The following RAF1 variants were observed in gnomAD, a reference collection of about 807,000 sequenced individuals.
The protein encoded by RAF1 is Raf-1 proto-oncogene, serine/threonine kinase.
In RAF1, 27 loss-of-function variants were observed where a neutral mutation model predicts 81.1. The observed-to-expected ratio is 0.33, with a 90% CI of 0.25 to 0.46. The LOEUF (loss-of-function observed/expected upper bound fraction) is 0.46, where lower values mean the gene tolerates loss of function less well. Ranked by LOEUF, RAF1 falls within the 20% of genes least tolerant of loss-of-function variation. The probability of loss-of-function intolerance (pLI) is 1.00; values close to 1 mark genes in which losing one functional copy is unlikely to be tolerated. For missense variants in RAF1, 598 were observed against 826.0 expected, an observed-to-expected ratio of 0.72 and a Z score of 3.38; for synonymous variants, 298 against 294.0, an observed-to-expected ratio of 1.01 and a Z score of -0.14.
chr3:12,593,785 CCT>C (rs1491325924), intron 11 of RAF1, among the ~76,000 whole-genome samples: 66 of 119,548 alleles, frequency 5.5e-4, no homozygotes, highest in Admixed American at 1.1e-3. Flanking sequence ...GGGAGTAAAT[CCT>C]TTTTTTTTTT....
At chr3:12,652,384 G>A (rs2060560236) in intron 1 of RAF1, among the ~76,000 whole-genome samples, 1 of 151,458 alleles carries the variant, frequency 6.6e-6, no homozygotes, top group African/African-American at 2.4e-5. Flanking sequence ...AACTGGGCAT[G>A]GTGGCCGGTG....
intron 6 of RAF1, among the ~76,000 whole-genome samples, chr3:12,604,516 C>T (rs2058966494): frequency 1.3e-5 from 2 of 152,126 alleles, no homozygotes. Flanking sequence ...ATTGGGAATT[C>T]AATGAAAAGG....
At chr3:12,600,020 A>G in intron 10 of RAF1, 132 bp downstream of exon 9, 1 of 1,430,208 alleles carries the variant, frequency 7.0e-7, no homozygotes, top group Non-Finnish European at 9.8e-7. Context: ...AATGACAGTA[A>G]CATTTATAAT....
intron 1 of RAF1, among the ~76,000 whole-genome samples, chr3:12,653,529 G>C (rs1447803602): frequency 6.6e-6 from 1 of 152,058 alleles, no homozygotes; most frequent in East Asian, 1.9e-4. Flanking sequence ...TGGATTACTT[G>C]AGGTCAGGAG....
chr3:12,597,622 A>C (rs1244917178), intron 11 of RAF1, among the ~76,000 whole-genome samples: 1 of 152,128 alleles, frequency 6.6e-6, no homozygotes, highest in African/African-American at 2.4e-5. Flanking sequence ...CATCTAAAAT[A>C]TTCTGCAACT....
chr3:12,643,716 ACAAGAG>A (rs1034238819), intron 1 of RAF1, among the ~76,000 whole-genome samples: 3 of 151,708 alleles, frequency 2.0e-5, no homozygotes, highest in African/African-American at 7.3e-5. Flanking sequence ...AGCCTGGGCA[ACAAGAG>A]CAAAACTCTG....
At chr3:12,592,896 T>C (rs1267984727) in intron 11 of RAF1, among the ~76,000 whole-genome samples, 2 of 147,028 alleles carry the variant, frequency 1.4e-5, no homozygotes, top group Non-Finnish European at 3.0e-5. Flanking sequence ...CCACCACGTC[T>C]GGCTAATTTT....
At chr3:12,591,924 A>C (rs970754330) in intron 11 of RAF1, 132 bp from the exon 11 acceptor site, 2 of 746,020 alleles carry the variant, frequency 2.7e-6, no homozygotes, top group Admixed American at 2.2e-5. Flanking sequence ...GCAAATTTCC[A>C]ATTTTTTTTT....
chr3:12,658,860 C>T (rs2060783070), intron 1 of RAF1, among the ~76,000 whole-genome samples: 1 of 152,080 alleles, frequency 6.6e-6, no homozygotes, highest in African/African-American at 2.4e-5. Flanking sequence ...GAGTAATTTG[C>T]CAAACTTTAG....
intron 8 of RAF1, among the ~76,000 whole-genome samples, chr3:12,602,776 A>G (rs1263247530): frequency 6.6e-6 from 1 of 152,240 alleles, no homozygotes; most frequent in Non-Finnish European, 1.5e-5. Context: ...TCCTCACAAT[A>G]GTGGCAGGAC....
intron 1 of RAF1, among the ~76,000 whole-genome samples, chr3:12,643,093 G>A (rs946862419): frequency 2.6e-5 from 4 of 152,030 alleles, no homozygotes; most frequent in African/African-American, 9.7e-5. Context: ...CTAAACACTG[G>A]TAAGGCAAGA....
chr3:12,642,339 C>T (rs919004958), intron 1 of RAF1, among the ~76,000 whole-genome samples: 1 of 147,384 alleles, frequency 6.8e-6, no homozygotes, highest in Non-Finnish European at 1.5e-5. Flanking sequence ...AACAAACAAA[C>T]AAACCAAAAA....
chr3:12,631,112 C>A lies in RAF1; in HGVS notation c.-26-12365G>T, dbSNP rs5746179. Among the ~76,000 whole-genome samples, 518 of 152,104 alleles carry A rather than the reference C, an allele frequency of 3.4e-3. 5 individuals carry two copies. Among genetic ancestry groups the A allele is most frequent in the Non-Finnish European group, 2.7e-3 (187 of 68,006 alleles). On this transcript the variant is annotated intron_variant, in intron 1 of 17. Transcript: ENST00000442415. ...AGGTGGGCGGATGAGCCCAAGAGTTCGAGACCAGTCTGAGCAACATGGCAA... is the reference window on the plus strand; with the variant it reads ...AGGTGGGCGGATGAGCCCAAGAGTTAGAGACCAGTCTGAGCAACATGGCAA...
chr3:12,652,011 AAAATAAATAAAT>A lies in RAF1; in HGVS notation c.-27+11790_-27+11801del, dbSNP rs58806427. Among the ~76,000 whole-genome samples, 168 of 136,700 alleles carry A rather than the reference AAAATAAATAAAT, an allele frequency of 1.2e-3. 2 individuals are homozygous for A. The highest frequency in any genetic ancestry group is 1.9e-3 in the African/African-American group (69 of 36,268). 89.7% of individuals were successfully genotyped at this position (136,700 alleles called of 152,430 possible). ...GCAACAAGAGCGAAACTCCATCTCTAAAATAAATAAATAAATAAATAAATAAATAAATAAATA... is the reference window on the plus strand; with the variant it reads ...GCAACAAGAGCGAAACTCCATCTCTAAAATAAATAAATAAATAAATAAATA... On this transcript the variant is annotated intron_variant, in intron 1 of 17. Coordinates refer to ENST00000442415, the MANE Select transcript of RAF1 (RefSeq NM_001354689.3).
At chr3:12,603,011 T>C (rs925729225) in intron 8 of RAF1, among the ~76,000 whole-genome samples, 1 of 152,174 alleles carries the variant, frequency 6.6e-6, no homozygotes, top group African/African-American at 2.4e-5. Flanking sequence ...TTGGTTGGAA[T>C]TGATTTAAAA....
At chr3:12,654,300 T>C (rs1029149432) in intron 1 of RAF1, among the ~76,000 whole-genome samples, 7 of 151,440 alleles carry the variant, frequency 4.6e-5, no homozygotes, top group Admixed American at 1.3e-4. Flanking sequence ...AAATACATTA[T>C]AGAATAAAAA....
At chr3:12,656,951 C>G (rs2060713204) in intron 1 of RAF1, among the ~76,000 whole-genome samples, 1 of 150,618 alleles carries the variant, frequency 6.6e-6, no homozygotes, top group South Asian at 2.1e-4. Context: ...GAACCAACAT[C>G]ACGCCACTGT....
intron 11 of RAF1, among the ~76,000 whole-genome samples, chr3:12,596,313 C>A (rs2058686363): frequency 6.6e-6 from 1 of 151,746 alleles, no homozygotes; most frequent in South Asian, 2.1e-4. Context: ...CCTGCCTTAG[C>A]CTCCTAAGTA....
At chr3:12,634,116 G>T (rs1374012905) in intron 1 of RAF1, among the ~76,000 whole-genome samples, 2 of 149,922 alleles carry the variant, frequency 1.3e-5, no homozygotes, top group Non-Finnish European at 3.0e-5. Flanking sequence ...TGACATTCAT[G>T]ATTACAAAAA....
Sources: allele counts gnomAD v4.1 joint callset (sites outside exome capture counted in the v4.1 genomes callset), GRCh38; gene constraint gnomAD v4.1.1; transcripts MANE v1.5; gene names NCBI Gene and HGNC (gene_info 2026-07-23, HGNC 2026-07-21).